ID4: variants seen among roughly 807,000 people sequenced by gnomAD.
ID4 encodes the protein DNA-binding protein inhibitor ID-4.
ID4 carries 9 observed loss-of-function variants against 8.6 expected under a neutral mutation model. The observed-to-expected ratio is 1.04, with a 90% CI of 0.63 to 1.82. The LOEUF (loss-of-function observed/expected upper bound fraction) is 1.82. Among genes scored for constraint, ID4 ranks in the 40% most tolerant of loss-of-function variants. The probability of loss-of-function intolerance (pLI) is 0.00; values close to 1 mark genes in which losing one functional copy is unlikely to be tolerated. For synonymous variants in ID4, 180 were observed against 118.0 expected (o/e 1.53, Z -3.41); for missense variants, 270 against 235.1 (o/e 1.15, Z -0.97).
At position 19,840,167 on chromosome 6, in the gene ID4, GTGTT is replaced by G. The variant is rs3839362; in HGVS notation, c.*978_*981del. ...TTATAGTGTAATATATACAGAGTAA[GTGTT>G]TGTTTTTGTTTTTCAACTGAGGTCA... On this transcript the variant is annotated 3_prime_UTR_variant, in exon 3 of 3. Transcript: ENST00000378700. 1.0e-3 allele frequency: 158 copies of G among 152,606 alleles called. 1 individual carries two copies. Among genetic ancestry groups the G allele is most frequent in the South Asian group, 1.0e-3 (5 of 4,826 alleles). 9.5% of individuals were successfully genotyped at this position (152,606 alleles called of 1,614,324 possible). A position where few individuals can be genotyped will look rare whatever the true frequency, so the allele number is the denominator to read the frequency against.
In ID4 at chr6:19,840,125, T is replaced by G. The variant is rs1374071761; in HGVS notation, c.*930T>G. On this transcript the variant is annotated 3_prime_UTR_variant, in exon 3 of 3. Coordinates refer to ENST00000378700, the MANE Select transcript of ID4 (RefSeq NM_001546.4). ...ACATGTTGAAAATACACCTTATCAGTTTTTAAGTACAGGGTTTTATAGTGT... is the reference window on the plus strand; with the variant it reads ...ACATGTTGAAAATACACCTTATCAGGTTTTAAGTACAGGGTTTTATAGTGT... The G allele has an allele frequency of 6.6e-6, 1 of 152,582 alleles. No homozygotes were observed. The highest frequency in any genetic ancestry group is 1.5e-5 in the Non-Finnish European group (1 of 68,016). The allele number at this position is 152,582 out of a possible 1,614,324, so 9.5% of individuals were successfully genotyped here. A position where few individuals can be genotyped will look rare whatever the true frequency, so the allele number is the denominator to read the frequency against.
rs76847683 is a variant in ID4, at chr6:19,839,343, G to C, written c.*148G>C. 4 of 152,604 alleles carry C rather than the reference G, an allele frequency of 2.6e-5. No homozygotes were observed. Among genetic ancestry groups the C allele is most frequent in the African/African-American group, 9.6e-5 (4 of 41,536 alleles). The allele number at this position is 152,604 out of a possible 1,614,324, so 9.5% of individuals were successfully genotyped here. ...GAAACGTTTTCATTCGTCATTCCAA[G>C]AGAGAGAGAGGAAAGAAAAATACAA... is the stretch of plus-strand genomic sequence containing the variant. On this transcript the variant is annotated 3_prime_UTR_variant, in exon 3 of 3. Transcript: ENST00000378700.
chr6:19,841,470 C>T lies in ID4; in HGVS notation c.*2275C>T, dbSNP rs1278225443. Reference sequence around the variant, plus strand: ...GCATCTGTCATGCCTGACTGCTGAACCCTACCTAAGCCTTTTGGCGCAGTT... The same window carrying T: ...GCATCTGTCATGCCTGACTGCTGAATCCTACCTAAGCCTTTTGGCGCAGTT... On this transcript the variant is annotated 3_prime_UTR_variant, in exon 3 of 3. Coordinates refer to ENST00000378700, the MANE Select transcript of ID4 (RefSeq NM_001546.4). 1.3e-5 allele frequency among the ~76,000 whole-genome samples: 2 copies of T among 152,152 alleles called. No homozygotes were observed. The highest frequency in any genetic ancestry group is 4.8e-5 in the African/African-American group (2 of 41,426).
Position 19,840,210 on chromosome 6 carries a change from A to ATG in ID4, c.*1016_*1017dup, listed in dbSNP as rs1361617317. 1 of 152,568 alleles carries ATG rather than the reference A, an allele frequency of 6.6e-6. No individual in the cohort carries two copies. Among genetic ancestry groups the ATG allele is most frequent in the Non-Finnish European group, 1.5e-5 (1 of 68,018 alleles). The allele number at this position is 152,568 out of a possible 1,614,324, so 9.5% of individuals were successfully genotyped here. On this transcript the variant is annotated 3_prime_UTR_variant, in exon 3 of 3. Transcript: ENST00000378700. ...CAACTGAGGTCAAAATGGATTCTGA[A>ATG]TGATTTTGCATATGGGATGAGGAAA... is the stretch of plus-strand genomic sequence containing the variant.
At position 19,839,470 on chromosome 6, in the gene ID4, G is replaced by A. The variant is rs1374965820; in HGVS notation, c.*275G>A. The A allele has an allele frequency of 2.0e-5, 3 of 152,452 alleles. No individual in the cohort carries two copies. Among genetic ancestry groups the A allele is most frequent in the African/African-American group, 7.2e-5 (3 of 41,388 alleles). 9.4% of individuals were successfully genotyped at this position (152,452 alleles called of 1,614,324 possible). A position where few individuals can be genotyped will look rare whatever the true frequency, so the allele number is the denominator to read the frequency against. On this transcript the variant is annotated 3_prime_UTR_variant, in exon 3 of 3. Transcript: ENST00000378700. ...GAATTGTACATTTCTGTGTTTTTTG[G>A]AGGTGCAGTTAAACTTTTAAGCTTA...
At position 19,837,846 on chromosome 6, in the gene ID4, A is replaced by G; in HGVS notation, c.92A>G (p.His31Arg). 1 of 1,182,634 alleles carries G rather than the reference A, an allele frequency of 8.5e-7. No homozygotes were observed. Among genetic ancestry groups the G allele is most frequent in the Non-Finnish European group, 1.0e-6 (1 of 955,218 alleles). The allele number at this position is 1,182,634 out of a possible 1,614,324, so 73.3% of individuals were successfully genotyped here. The change falls in exon 1 of 3, where the codon CAC becomes CGC. Residue 31 changes from histidine to arginine, a missense_variant. This residue lies in a region of ID4 where 160 missense variants were observed against 131.5 expected (regional missense o/e 1.22). Coordinates refer to ENST00000378700, the MANE Select transcript of ID4 (RefSeq NM_001546.4). ...GELALRCLAEHGHSLGGSAAA... is the reference protein window; with the variant it reads ...GELALRCLAERGHSLGGSAAA... ...CTGGCGCTGCGCTGCCTGGCCGAGC[A>G]CGGCCACAGCCTGGGTGGCTCCGCA...
intron 1 of ID4, 158 bp from the exon 2 acceptor site, chr6:19,838,426 C>T (rs1195090966): frequency 9.3e-6 from 5 of 540,350 alleles, no homozygotes; most frequent in East Asian, 1.5e-4. Flanking sequence ...GCGCCCTGGG[C>T]TGTCAAGTCC....
At chr6:19,838,941 TG>T (rs1409727618) in intron 2 of ID4, 1 of 450,728 alleles carries the variant, frequency 2.2e-6, no homozygotes, top group Non-Finnish European at 4.0e-6. Flanking sequence ...GGCACCCTCG[TG>T]GGCATGGGAG....
chr6:19,838,325 C>G (rs966307630), intron 1 of ID4, 130 bp downstream of exon 1: 2 of 1,022,124 alleles, frequency 2.0e-6, no homozygotes, highest in South Asian at 2.2e-5. Flanking sequence ...CCTCCCCCTG[C>G]TCCTCCGGGC....
In ID4 at chr6:19,840,131, A is replaced by AG. The variant is rs1761327757; in HGVS notation, c.*937dup. 1 of 152,566 alleles carries AG rather than the reference A, an allele frequency of 6.6e-6. No individual in the cohort carries two copies. Among genetic ancestry groups the AG allele is most frequent in the Non-Finnish European group, 1.5e-5 (1 of 68,008 alleles). The allele number at this position is 152,566 out of a possible 1,614,324, so 9.5% of individuals were successfully genotyped here. A position where few individuals can be genotyped will look rare whatever the true frequency, so the allele number is the denominator to read the frequency against. ...TGAAAATACACCTTATCAGTTTTTA[A>AG]GTACAGGGTTTTATAGTGTAATATA... On this transcript the variant is annotated 3_prime_UTR_variant, in exon 3 of 3. Transcript: ENST00000378700.
In ID4 at chr6:19,842,027, GA is replaced by G. The variant is rs569701264; in HGVS notation, c.*2840del. ...CTCAGACATCTCAATGTTAAAGGAA[GA>G]AAAAAAATACCTTTTCATTTCAAAG... On this transcript the variant is annotated 3_prime_UTR_variant, in exon 3 of 3. Transcript: ENST00000378700. Among the ~76,000 whole-genome samples, 5 of 151,728 alleles carry G rather than the reference GA, an allele frequency of 3.3e-5. No individual in the cohort carries two copies. The highest frequency in any genetic ancestry group is 7.3e-5 in the African/African-American group (3 of 41,348).
Position 19,837,871 on chromosome 6 carries a change from A to G in ID4, c.117A>G (p.Ala39=), listed in dbSNP as rs903730662. 93 of 1,273,880 alleles carry G rather than the reference A, an allele frequency of 7.3e-5. No individual in the cohort carries two copies. In the African/African-American group the frequency reaches 9.4e-4, roughly 13 times the overall value. The allele number at this position is 1,273,880 out of a possible 1,614,324, so 78.9% of individuals were successfully genotyped here. Residue 39 remains alanine, a synonymous_variant, in exon 1 of 3, where the codon GCA becomes GCG. Coordinates refer to ENST00000378700, the MANE Select transcript of ID4 (RefSeq NM_001546.4). ...AEHGHSLGGS[A]AAAAAAAAAR... ...ACGGCCACAGCCTGGGTGGCTCCGCAGCCGCGGCGGCGGCGGCGGCGGCAG... is the reference window on the plus strand; with the variant it reads ...ACGGCCACAGCCTGGGTGGCTCCGCGGCCGCGGCGGCGGCGGCGGCGGCAG...
In ID4 at chr6:19,838,808, C is replaced by G. The variant is rs149726431; in HGVS notation, c.*14+166C>G. 3.6e-4 allele frequency: 220 copies of G among 609,568 alleles called. No individual in the cohort carries two copies. Among genetic ancestry groups the G allele is most frequent in the African/African-American group, 3.6e-3 (192 of 53,482 alleles). 37.8% of individuals were successfully genotyped at this position (609,568 alleles called of 1,614,324 possible). A position where few individuals can be genotyped will look rare whatever the true frequency, so the allele number is the denominator to read the frequency against. On this transcript the variant is annotated intron_variant, in intron 2 of 2. Coordinates refer to ENST00000378700, the MANE Select transcript of ID4 (RefSeq NM_001546.4). ...CTGCCACCTAAGTAGCAAGTAAACC[C>G]GTACTTAGCCTTAGAACTCGAGGTT...
rs1056090689 is a variant in ID4 at position 19,840,315 on chromosome 6, A to G, written c.*1120A>G. 6.6e-6 allele frequency: 1 copy of G among 152,614 alleles called. No homozygotes were observed. The allele number at this position is 152,614 out of a possible 1,614,324, so 9.5% of individuals were successfully genotyped here. On this transcript the variant is annotated 3_prime_UTR_variant, in exon 3 of 3. Transcript: ENST00000378700. ...AATTGCTTATTACTCTTCATTTTAC[A>G]CTAAAGCTTAATGTCACTAAGTTTC...
At chr6:19,838,914 C>G (rs989443139) in intron 2 of ID4, 1 of 514,516 alleles carries the variant, frequency 1.9e-6, no homozygotes, top group Admixed American at 3.6e-5. Flanking sequence ...TTCTGCCTTC[C>G]CTAGTTCCCG....
Position 19,837,877 on chromosome 6 carries a change from G to C in ID4, c.123G>C (p.Ala41=). The change falls in exon 1 of 3, where the codon GCG becomes GCC. Residue 41 remains alanine, a synonymous_variant. Transcript: ENST00000378700. The part of the protein sequence containing the change: ...HGHSLGGSAA[A]AAAAAAARCK... The stretch of plus-strand genomic sequence containing the variant: ...ACAGCCTGGGTGGCTCCGCAGCCGC[G>C]GCGGCGGCGGCGGCGGCAGCGCGCT... 1 of 1,140,558 alleles carries C rather than the reference G, an allele frequency of 8.8e-7. No individual in the cohort carries two copies. The highest frequency in any genetic ancestry group is 1.1e-6 in the Non-Finnish European group (1 of 917,834). The allele number at this position is 1,140,558 out of a possible 1,614,324, so 70.7% of individuals were successfully genotyped here.
At chr6:19,838,279 G>A in intron 1 of ID4, 84 bp downstream of exon 1, 3 of 1,228,344 alleles carry the variant, frequency 2.4e-6, no homozygotes, top group Non-Finnish European at 3.1e-6. Flanking sequence ...GGCGCTCACC[G>A]TCCTCCGGGC....
At position 19,837,919 on chromosome 6, in the gene ID4, G is replaced by A. The variant is rs760192956; in HGVS notation, c.165G>A (p.Ala55=). The change falls in exon 1 of 3, where the codon GCG becomes GCA. Residue 55 remains alanine, a synonymous_variant. Transcript: ENST00000378700. Reference sequence around the variant, plus strand: ...CAGCGCGCTGTAAGGCGGCCGAGGCGGCGGCCGACGAGCCGGCGCTGTGCC... The same window carrying A: ...CAGCGCGCTGTAAGGCGGCCGAGGCAGCGGCCGACGAGCCGGCGCTGTGCC... ...AAAARCKAAE[A]AADEPALCLQ... 37 of 1,428,670 alleles carry A rather than the reference G, an allele frequency of 2.6e-5. No individual in the cohort carries two copies. In the African/African-American group the frequency reaches 3.7e-4, roughly 14 times the overall value. The allele number at this position is 1,428,670 out of a possible 1,614,324, so 88.5% of individuals were successfully genotyped here.
chr6:19,837,649 C>T lies in ID4; in HGVS notation c.-106C>T. The T allele has an allele frequency of 1.3e-6, 1 of 762,028 alleles. No individual in the cohort carries two copies. The highest frequency in any genetic ancestry group is 1.6e-6 in the Non-Finnish European group (1 of 610,100). 47.2% of individuals were successfully genotyped at this position (762,028 alleles called of 1,614,324 possible). A position where few individuals can be genotyped will look rare whatever the true frequency, so the allele number is the denominator to read the frequency against. On this transcript the variant is annotated 5_prime_UTR_variant, in exon 1 of 3. Transcript: ENST00000378700. ...GTCGCGGTGCCCCGAGCGCGCCGGG[C>T]GCGGAGGCAAAGGGAGCGGAGCCGG...
Sources: gnomAD v4.1 joint callset for allele counts (sites outside exome capture counted in the v4.1 genomes callset) on GRCh38, gnomAD v4.1.1 for gene constraint, gnomAD v4.1.1 regional missense constraint, MANE v1.5 for transcripts, NCBI Gene and HGNC (gene_info 2026-07-23, HGNC 2026-07-21) for gene names.